RSU1: variants seen among roughly 807,000 people sequenced by gnomAD.
RSU1 encodes the protein rsu-1.
RSU1 carries 26 observed loss-of-function variants against 31.1 expected under a neutral mutation model. The ratio of observed to expected loss-of-function variants is 0.84; its 90% CI spans 0.61 to 1.16. The LOEUF (loss-of-function observed/expected upper bound fraction) is 1.16, where lower values mean the gene tolerates loss of function less well. Among genes scored for constraint, RSU1 ranks in the 50% most tolerant of loss-of-function variants. RSU1 has a pLI of 0.00. For synonymous variants in RSU1, 164 were observed against 136.3 expected, an observed-to-expected ratio of 1.20 and a Z score of -1.41; for missense variants, 320 against 339.1, an observed-to-expected ratio of 0.94 and a Z score of 0.44.
intron 2 of RSU1, among the ~76,000 whole-genome samples, chr10:16,808,441 C>T (rs182759920): frequency 1.3e-5 from 2 of 149,016 alleles, no homozygotes; most frequent in Non-Finnish European, 3.0e-5. Context: ...CGTGATCATG[C>T]CACTGCACTC....
At chr10:16,690,502 A>G (rs566554150) in intron 8 of RSU1, among the ~76,000 whole-genome samples, 1 of 152,236 alleles carries the variant, frequency 6.6e-6, no homozygotes, top group East Asian at 1.9e-4. Flanking sequence ...ATACCTCACC[A>G]TCCTACCAGC....
intron 7 of RSU1, among the ~76,000 whole-genome samples, chr10:16,742,187 C>T (rs1203737797): frequency 6.6e-6 from 1 of 152,098 alleles, no homozygotes; most frequent in Non-Finnish European, 1.5e-5. Context: ...TGCTATCACC[C>T]AAAACTTCAC....
intron 8 of RSU1, among the ~76,000 whole-genome samples, chr10:16,683,381 T>C (rs1489158347): frequency 6.6e-6 from 1 of 152,200 alleles, no homozygotes; most frequent in Non-Finnish European, 1.5e-5. Flanking sequence ...TTGTATATTA[T>C]TTCATATGTG....
Position 16,803,120 on chromosome 10 carries a change from T to C in RSU1, c.109+13853A>G, listed in dbSNP as rs561498926. 5.3e-5 allele frequency among the ~76,000 whole-genome samples: 8 copies of C among 152,222 alleles called. No individual in the cohort carries two copies. The South Asian group carries it at 1.7e-3, about 32-fold the overall frequency. On this transcript the variant is annotated intron_variant, in intron 2 of 8. Transcript: ENST00000345264. ...CTCCACAGATAATATGATGTGTACG[T>C]AGAAAATCCCAAAGAATCAACAAAG... is the stretch of plus-strand genomic sequence containing the variant.
chr10:16,602,095 G>T (rs751995122), intron 8 of RSU1, among the ~76,000 whole-genome samples: 51 of 152,108 alleles, frequency 3.4e-4, no homozygotes, highest in Non-Finnish European at 6.2e-4. Flanking sequence ...AGGAATGCCT[G>T]CTTAGGTCCC....
chr10:16,696,916 T>C (rs1372173272), intron 7 of RSU1, among the ~76,000 whole-genome samples: 3 of 152,204 alleles, frequency 2.0e-5, no homozygotes, highest in Non-Finnish European at 2.9e-5. Context: ...TACATTTCTC[T>C]ATAATTCTTA....
intron 8 of RSU1, among the ~76,000 whole-genome samples, chr10:16,676,266 C>T (rs1835230174): frequency 6.6e-6 from 1 of 152,196 alleles, no homozygotes; most frequent in Non-Finnish European, 1.5e-5. Context: ...GCTTAATGGA[C>T]TCACAGTTCT....
At chr10:16,725,341 A>C (rs1055127936) in intron 7 of RSU1, among the ~76,000 whole-genome samples, 1 of 152,214 alleles carries the variant, frequency 6.6e-6, no homozygotes, top group East Asian at 1.9e-4. Flanking sequence ...CAGTATCTAC[A>C]AGATTCCAGT....
At chr10:16,666,723 C>G (rs1834995658) in intron 8 of RSU1, among the ~76,000 whole-genome samples, 1 of 152,136 alleles carries the variant, frequency 6.6e-6, no homozygotes, top group South Asian at 2.1e-4. Context: ...TGCGGTGGCA[C>G]ACACCTGTAA....
At position 16,620,605 on chromosome 10, in the gene RSU1, G is replaced by T. The variant is rs181463259; in HGVS notation, c.732-27109C>A. 3.6e-3 allele frequency among the ~76,000 whole-genome samples: 551 copies of T among 151,926 alleles called. 4 individuals are homozygous for T. The highest frequency in any genetic ancestry group is 0.012 in the African/African-American group (498 of 41,366). On this transcript the variant is annotated intron_variant, in intron 8 of 8. Transcript: ENST00000345264. ...TCATGCCTGTAATCCCAGCACTTTG[G>T]GAGGCCGAGGCGGGCGGATCATGAA...
At chr10:16,722,855 T>TATACATATATGTATATATACAC (rs1564332459) in intron 7 of RSU1, among the ~76,000 whole-genome samples, 5 of 50,712 alleles carry the variant, frequency 9.9e-5, no homozygotes, top group Admixed American at 2.1e-4. Context: ...TATACACACA[T>TATACATATATGTATATATACAC]ATATACATAT....
At chr10:16,631,269 G>C (rs550846515) in intron 8 of RSU1, among the ~76,000 whole-genome samples, 1 of 152,182 alleles carries the variant, frequency 6.6e-6, no homozygotes, top group Non-Finnish European at 1.5e-5. Flanking sequence ...GGTTCCGAGC[G>C]TGTCTCCAGA....
intron 2 of RSU1, among the ~76,000 whole-genome samples, chr10:16,809,950 T>C (rs7090256): frequency 1.3e-5 from 2 of 150,252 alleles, no homozygotes; most frequent in African/African-American, 4.9e-5. Flanking sequence ...ACCAGGCACA[T>C]TGGCTCACAC....
intron 7 of RSU1, among the ~76,000 whole-genome samples, chr10:16,750,991 G>A (rs1182827626): frequency 6.6e-6 from 1 of 151,374 alleles, no homozygotes; most frequent in Non-Finnish European, 1.5e-5. Context: ...TCAGCCTCCC[G>A]AGTAGCTGGG....
intron 3 of RSU1, 136 bp downstream of exon 3, chr10:16,781,898 T>G: frequency 2.9e-6 from 2 of 695,978 alleles, no homozygotes; most frequent in Non-Finnish European, 5.0e-6. Flanking sequence ...CTCATCTTAG[T>G]GTCACCAAAG....
intron 7 of RSU1, among the ~76,000 whole-genome samples, chr10:16,734,268 C>A (rs1836579948): frequency 6.6e-6 from 1 of 152,218 alleles, no homozygotes; most frequent in African/African-American, 2.4e-5. Context: ...GAGAGCAGAT[C>A]AAATGAGTGA....
In RSU1 at chr10:16,642,457, C is replaced by G. The variant is rs182271479; in HGVS notation, c.732-48961G>C. 3.2e-3 allele frequency among the ~76,000 whole-genome samples: 492 copies of G among 152,230 alleles called. 2 individuals are homozygous for G. The highest frequency in any genetic ancestry group is 0.011 in the African/African-American group (445 of 41,546). On this transcript the variant is annotated intron_variant, in intron 8 of 8. Transcript: ENST00000345264. ...TAGATTTTTGAGTCTCTAACCTTTC[C>G]TATCAGTGATTTTTCATAGACTGTC...
chr10:16,606,836 T>C (rs1833813567), intron 8 of RSU1, among the ~76,000 whole-genome samples: 1 of 152,226 alleles, frequency 6.6e-6, no homozygotes, highest in South Asian at 2.1e-4. Flanking sequence ...ATACCATACA[T>C]AGTGGTATTA....
intron 7 of RSU1, among the ~76,000 whole-genome samples, chr10:16,729,197 T>C (rs1836454706): frequency 6.6e-6 from 1 of 152,228 alleles, no homozygotes; most frequent in Non-Finnish European, 1.5e-5. Flanking sequence ...AATAATCTAC[T>C]TTTGTCTTGG....
Sources: allele counts gnomAD v4.1 joint callset (sites outside exome capture counted in the v4.1 genomes callset), GRCh38; gene constraint gnomAD v4.1.1; transcripts MANE v1.5; gene names NCBI Gene and HGNC (gene_info 2026-07-23, HGNC 2026-07-21).